The following ATRNL1 variants were observed in gnomAD, a reference collection of about 807,000 sequenced individuals.
The protein encoded by ATRNL1 is attractin-like protein 1.
ATRNL1 carries 95 observed loss-of-function variants against 182.7 expected under a neutral mutation model. That is an observed-to-expected ratio of 0.52 (90% CI 0.44 to 0.62). ATRNL1 has a LOEUF of 0.62. Among genes scored for constraint, ATRNL1 ranks in the 20% least tolerant of loss-of-function variants. The probability of loss-of-function intolerance (pLI) is 0.00; values close to 1 mark genes in which losing one functional copy is unlikely to be tolerated. For synonymous variants in ATRNL1, 576 were observed against 568.3 expected, an observed-to-expected ratio of 1.01 and a Z score of -0.19; for missense variants, 1,471 against 1,679.5, an observed-to-expected ratio of 0.88 and a Z score of 2.17.
At chr10:115,873,333 T>C (rs1490154834) in intron 28 of ATRNL1, among the ~76,000 whole-genome samples, 1 of 152,190 alleles carries the variant, frequency 6.6e-6, no homozygotes, top group Non-Finnish European at 1.5e-5. Context: ...GGAGTACTCT[T>C]TCACAACCTA....
At chr10:115,940,249 G>T (rs1401891997) in intron 28 of ATRNL1, among the ~76,000 whole-genome samples, 1 of 152,122 alleles carries the variant, frequency 6.6e-6, no homozygotes, top group Non-Finnish European at 1.5e-5. Context: ...GTACATATTT[G>T]GTTTCCTCTG....
chr10:115,341,552 T>C (rs1423866634), intron 19 of ATRNL1, among the ~76,000 whole-genome samples: 1 of 152,130 alleles, frequency 6.6e-6, no homozygotes, highest in Non-Finnish European at 1.5e-5. Context: ...TTAAGTCCCA[T>C]GTTTCTTTGT....
At chr10:115,208,475 A>G (rs1848889952) in intron 8 of ATRNL1, among the ~76,000 whole-genome samples, 1 of 152,106 alleles carries the variant, frequency 6.6e-6, no homozygotes, top group African/African-American at 2.4e-5. Flanking sequence ...GCTGACACAC[A>G]GTTAAATTGC....
intron 26 of ATRNL1, among the ~76,000 whole-genome samples, chr10:115,579,272 A>G (rs1854921670): frequency 6.6e-6 from 1 of 151,786 alleles, no homozygotes; most frequent in Admixed American, 6.6e-5. Flanking sequence ...TGATCTATCC[A>G]TTATTGAAAG....
At position 115,273,759 on chromosome 10, in the gene ATRNL1, T is replaced by C. The variant is rs373129085; in HGVS notation, c.2100+5315T>C. ...ATCTAGGGAACTTCTCTTGAAGTGA[T>C]AGGTCAGACTGGGAGAGAGAAGGCA... On this transcript the variant is annotated intron_variant, in intron 13 of 28. Transcript: ENST00000355044. 5.9e-5 allele frequency among the ~76,000 whole-genome samples: 9 copies of C among 152,314 alleles called. No individual in the cohort carries two copies. In the East Asian group the frequency reaches 1.5e-3, roughly 26 times the overall value.
chr10:115,398,750 A>C (rs1592595760), intron 20 of ATRNL1, among the ~76,000 whole-genome samples: 1 of 151,996 alleles, frequency 6.6e-6, no homozygotes, highest in East Asian at 1.9e-4. Flanking sequence ...TGTTGAATGG[A>C]AGTGGTGAGA....
chr10:115,343,094 A>G (rs1855824098), intron 19 of ATRNL1, among the ~76,000 whole-genome samples: 1 of 152,004 alleles, frequency 6.6e-6, no homozygotes, highest in African/African-American at 2.4e-5. Context: ...AAATGCCTTG[A>G]TGTAGTCTTC....
chr10:115,183,070 C>T (rs933393177), intron 8 of ATRNL1, among the ~76,000 whole-genome samples: 2 of 151,202 alleles, frequency 1.3e-5, no homozygotes, highest in Admixed American at 1.3e-4. Context: ...TTAGTAGTTT[C>T]CCAAGAATGG....
In ATRNL1 at chr10:115,580,760, CA is replaced by C. The variant is rs1855021710; in HGVS notation, c.3795+31225del. On this transcript the variant is annotated intron_variant, in intron 26 of 28. Coordinates refer to ENST00000355044, the MANE Select transcript of ATRNL1 (RefSeq NM_207303.4). ...CCCATAAGTCCCATAAAGCTGTCTTCAGTCTTTTTCATTATTTTTTCTACTT... is the reference window on the plus strand; with the variant it reads ...CCCATAAGTCCCATAAAGCTGTCTTCGTCTTTTTCATTATTTTTTCTACTT... Among the ~76,000 whole-genome samples, 4 of 151,782 alleles carry C rather than the reference CA, an allele frequency of 2.6e-5. No homozygotes were observed. In the South Asian group the frequency reaches 8.3e-4, roughly 32 times the overall value.
rs782582665 is a variant in ATRNL1 at position 115,499,303 on chromosome 10, A to G, written c.3655-19960A>G. Among the ~76,000 whole-genome samples, 17 of 152,338 alleles carry G rather than the reference A, an allele frequency of 1.1e-4. 1 individual carries two copies. The highest frequency in any genetic ancestry group is 6.8e-3 in the Middle Eastern group (2 of 294). On this transcript the variant is annotated intron_variant, in intron 24 of 28. Transcript: ENST00000355044. ...TTTTAATGTAGATATAAAATTCTAC[A>G]TATTTTAACTGGTATAATCTTTGTG...
chr10:115,233,147 T>A (rs1488180536), intron 9 of ATRNL1, among the ~76,000 whole-genome samples: 1 of 152,102 alleles, frequency 6.6e-6, no homozygotes, highest in Non-Finnish European at 1.5e-5. Context: ...CGTGGCCTTC[T>A]TGTAAGGACA....
At chr10:115,410,628 C>G (rs1321778443) in intron 20 of ATRNL1, among the ~76,000 whole-genome samples, 1 of 151,710 alleles carries the variant, frequency 6.6e-6, no homozygotes, top group Non-Finnish European at 1.5e-5. Context: ...CTCTCTCTCT[C>G]TGTTTTAAAA....
At chr10:115,858,259 C>T (rs1351245251) in intron 28 of ATRNL1, among the ~76,000 whole-genome samples, 1 of 152,152 alleles carries the variant, frequency 6.6e-6, no homozygotes, top group Non-Finnish European at 1.5e-5. Context: ...CATTGCAGCA[C>T]TGTTCACAAT....
At chr10:115,146,571 T>C (rs1554879412) in intron 5 of ATRNL1, among the ~76,000 whole-genome samples, 1 of 152,104 alleles carries the variant, frequency 6.6e-6, no homozygotes, top group African/African-American at 2.4e-5. Flanking sequence ...AATTTGTATC[T>C]TCTAACTATA....
At chr10:115,381,690 G>A (rs1055079125) in intron 19 of ATRNL1, among the ~76,000 whole-genome samples, 1 of 151,664 alleles carries the variant, frequency 6.6e-6, no homozygotes, top group South Asian at 2.1e-4. Context: ...GGTATCATTT[G>A]TAGCACAATA....
chr10:115,587,714 G>A (rs191677230), intron 26 of ATRNL1, among the ~76,000 whole-genome samples: 2 of 151,474 alleles, frequency 1.3e-5, no homozygotes, highest in Admixed American at 6.6e-5. Flanking sequence ...GAAATCACCC[G>A]TCTTCTGCCT....
At chr10:115,418,369 G>C (rs1398542678) in intron 20 of ATRNL1, among the ~76,000 whole-genome samples, 9 of 152,104 alleles carry the variant, frequency 5.9e-5, no homozygotes, top group Admixed American at 5.2e-4. Flanking sequence ...AAGAATTAGT[G>C]AGTTCAAAGG....
intron 5 of ATRNL1, among the ~76,000 whole-genome samples, chr10:115,147,274 T>G (rs1423939425): frequency 6.6e-6 from 1 of 152,182 alleles, no homozygotes; most frequent in African/African-American, 2.4e-5. Flanking sequence ...AAGTCTTCTT[T>G]TGAGAAATGA....
In ATRNL1 at chr10:115,593,077, C is replaced by G. The variant is rs191075471; in HGVS notation, c.3795+43541C>G. ...AAGTTCAAGGTTGAGGGGCATGCAT[C>G]TAGCAAGGGCTTTATTGCTGCATCA... On this transcript the variant is annotated intron_variant, in intron 26 of 28. Transcript: ENST00000355044. Among the ~76,000 whole-genome samples the G allele has an allele frequency of 3.0e-3, 458 of 152,280 alleles. 2 individuals carry two copies. Among genetic ancestry groups the G allele is most frequent in the Middle Eastern group, 3.4e-3 (1 of 294 alleles).
Sources: allele counts gnomAD v4.1 joint callset (sites outside exome capture counted in the v4.1 genomes callset), GRCh38; gene constraint gnomAD v4.1.1; transcripts MANE v1.5; gene names NCBI Gene and HGNC (gene_info 2026-07-23, HGNC 2026-07-21).